CSMD1: variants seen among roughly 807,000 people sequenced by gnomAD.
CSMD1 encodes CUB and Sushi multiple domains 1.
In CSMD1, 213 loss-of-function variants were observed where a neutral mutation model predicts 417.5. The observed-to-expected ratio is 0.51, with a 90% CI of 0.46 to 0.57. The LOEUF (loss-of-function observed/expected upper bound fraction) is 0.57. Among genes scored for constraint, CSMD1 ranks in the 20% least tolerant of loss-of-function variants. The pLI, the probability that CSMD1 is intolerant of heterozygous loss-of-function variation, is 0.00. For missense variants in CSMD1, 6,923 were observed against 4,529.7 expected (o/e 1.53, Z -15.17); for synonymous variants, 2,862 against 1,736.8 (o/e 1.65, Z -16.11).
At chr8:4,501,397 G>A (rs925155153) in intron 2 of CSMD1, among the ~76,000 whole-genome samples, 3 of 151,892 alleles carry the variant, frequency 2.0e-5, no homozygotes, top group Non-Finnish European at 4.4e-5. Context: ...ACTATTTTAG[G>A]CAATAGAACG....
chr8:4,818,560 CAT>C (rs1250492592), intron 1 of CSMD1, among the ~76,000 whole-genome samples: 1 of 152,168 alleles, frequency 6.6e-6, no homozygotes, highest in East Asian at 1.9e-4. Flanking sequence ...GACACACACA[CAT>C]GTGCACATAT....
intron 1 of CSMD1, among the ~76,000 whole-genome samples, chr8:4,664,707 C>A (rs1041657990): frequency 2.0e-5 from 3 of 152,002 alleles, no homozygotes; most frequent in African/African-American, 4.8e-5. Flanking sequence ...AAAATAAAAG[C>A]AAAATTTTAT....
At chr8:3,736,130 T>C (rs887850370) in intron 6 of CSMD1, among the ~76,000 whole-genome samples, 1 of 152,192 alleles carries the variant, frequency 6.6e-6, no homozygotes, top group Non-Finnish European at 1.5e-5. Context: ...ATTAAATCTT[T>C]TCAGTACTCA....
chr8:3,056,929 G>T lies in CSMD1; in HGVS notation c.7475-4282C>A, dbSNP rs183546536. ...TTCTAGATTACTATCTACATAGGTT[G>T]TACTATACAATATTAGTGCCTGCCA... On this transcript the variant is annotated intron_variant, in intron 49 of 69. Transcript: ENST00000635120. Among the ~76,000 whole-genome samples the T allele has an allele frequency of 3.0e-3, 458 of 152,076 alleles. 1 individual carries two copies. The highest frequency in any genetic ancestry group is 0.011 in the African/African-American group (436 of 41,488).
chr8:4,414,057 G>T (rs867896027), intron 3 of CSMD1, among the ~76,000 whole-genome samples: 2 of 152,302 alleles, frequency 1.3e-5, no homozygotes, highest in Non-Finnish European at 1.5e-5. Context: ...TTTCTATCCT[G>T]CCAGGTGCAT....
intron 52 of CSMD1, among the ~76,000 whole-genome samples, chr8:3,006,250 C>G (rs13256940): frequency 0.17 from 25,374 of 151,164 alleles, 4,193 homozygotes; most frequent in African/African-American, 0.43. Context: ...GAACTACAAA[C>G]CACTGCTCAA....
At chr8:3,626,876 A>G (rs1218589998) in intron 7 of CSMD1, among the ~76,000 whole-genome samples, 1 of 149,702 alleles carries the variant, frequency 6.7e-6, no homozygotes, top group Admixed American at 6.7e-5. Context: ...AAATACATAA[A>G]TATAAGTATT....
At chr8:4,042,978 A>G (rs535531492) in intron 3 of CSMD1, among the ~76,000 whole-genome samples, 5 of 152,038 alleles carry the variant, frequency 3.3e-5, no homozygotes, top group African/African-American at 1.2e-4. Flanking sequence ...ATGGGAAAAA[A>G]AAAATTAGCT....
intron 1 of CSMD1, among the ~76,000 whole-genome samples, chr8:4,707,082 T>C (rs1807992340): frequency 6.6e-6 from 1 of 152,194 alleles, no homozygotes; most frequent in Non-Finnish European, 1.5e-5. Context: ...AAGATCACCC[T>C]GGCAGCTGTG....
At chr8:3,994,454 A>T (rs1044810535) in intron 5 of CSMD1, among the ~76,000 whole-genome samples, 1 of 149,844 alleles carries the variant, frequency 6.7e-6, no homozygotes, top group Non-Finnish European at 1.5e-5. Flanking sequence ...TCAGAAAAAA[A>T]AAAAAAAAAA....
rs544860031 is a variant in CSMD1, at chr8:3,248,239, A to G, written c.4154-18008T>C. Among the ~76,000 whole-genome samples the G allele has an allele frequency of 1.3e-4, 20 of 152,340 alleles. 1 individual carries two copies. The highest frequency in any genetic ancestry group is 3.4e-3 in the Middle Eastern group (1 of 294). ...TAAAACCTTTACTGTAATAGGAAGAATGAAATTTTAACTTGCAATTAGGGT... is the reference window on the plus strand; with the variant it reads ...TAAAACCTTTACTGTAATAGGAAGAGTGAAATTTTAACTTGCAATTAGGGT... On this transcript the variant is annotated intron_variant, in intron 26 of 69. Coordinates refer to ENST00000635120, the MANE Select transcript of CSMD1 (RefSeq NM_033225.6).
chr8:4,020,456 G>A (rs532582370), intron 4 of CSMD1, among the ~76,000 whole-genome samples: 2 of 152,270 alleles, frequency 1.3e-5, no homozygotes, highest in African/African-American at 4.8e-5. Context: ...TATAGGATAG[G>A]GCTTGGTTAT....
chr8:3,088,377 T>A (rs1357332362), intron 48 of CSMD1, among the ~76,000 whole-genome samples: 1 of 152,208 alleles, frequency 6.6e-6, no homozygotes, highest in Admixed American at 6.5e-5. Context: ...GAATTCTCAG[T>A]TTCTTTTTAA....
chr8:3,927,009 C>G (rs117916220), intron 5 of CSMD1, among the ~76,000 whole-genome samples: 7,491 of 151,722 alleles, frequency 0.049, 274 homozygotes, highest in Non-Finnish European at 0.054. Context: ...CCACCGTGCC[C>G]GGCCAAATTG....
intron 5 of CSMD1, among the ~76,000 whole-genome samples, chr8:3,796,749 C>A (rs1039879310): frequency 3.4e-4 from 52 of 151,072 alleles, no homozygotes; most frequent in African/African-American, 1.2e-3. Flanking sequence ...TAGGTGGTTG[C>A]AATTATACAA....
chr8:3,855,462 G>A (rs1029310449), intron 5 of CSMD1, among the ~76,000 whole-genome samples: 8 of 152,116 alleles, frequency 5.3e-5, no homozygotes, highest in Non-Finnish European at 1.2e-4. Flanking sequence ...CTATTTTCAT[G>A]GTGAAATGTG....
chr8:3,842,465 T>C (rs560173842), intron 5 of CSMD1, among the ~76,000 whole-genome samples: 1 of 152,174 alleles, frequency 6.6e-6, no homozygotes, highest in African/African-American at 2.4e-5. Context: ...ATTCTCATTG[T>C]TCATTACTAG....
chr8:3,708,529 T>C (rs745372658), intron 6 of CSMD1, 38 bp from the exon 7 acceptor site: 7 of 1,568,280 alleles, frequency 4.5e-6, no homozygotes, highest in Non-Finnish European at 6.1e-6. Flanking sequence ...CAGGTAAGAC[T>C]TGGAGATCAT....
chr8:4,170,393 C>G (rs1797704940), intron 3 of CSMD1, among the ~76,000 whole-genome samples: 1 of 151,904 alleles, frequency 6.6e-6, no homozygotes, highest in Non-Finnish European at 1.5e-5. Flanking sequence ...CAAGAGCCAC[C>G]TGTGAAAAGC....
Sources: allele counts gnomAD v4.1 joint callset (sites outside exome capture counted in the v4.1 genomes callset), GRCh38; gene constraint gnomAD v4.1.1; transcripts MANE v1.5; gene names NCBI Gene and HGNC (gene_info 2026-07-23, HGNC 2026-07-21).